CADPS2: variants seen among roughly 807,000 people sequenced by gnomAD.
CADPS2 encodes calcium dependent secretion activator 2.
In CADPS2, 93 loss-of-function variants were observed where a neutral mutation model predicts 172.5. That is an observed-to-expected ratio of 0.54 (90% CI 0.46 to 0.64). The LOEUF (loss-of-function observed/expected upper bound fraction) is 0.64, where lower values mean the gene tolerates loss of function less well. Ranked by LOEUF, CADPS2 falls within the 30% of genes least tolerant of loss-of-function variation. The pLI is 0.00. For missense variants in CADPS2, 1,420 were observed against 1,565.9 expected (o/e 0.91, Z 1.57); for synonymous variants, 546 against 555.2 (o/e 0.98, Z 0.23).
chr7:122,647,102 A>G (rs1417324337), intron 3 of CADPS2, among the ~76,000 whole-genome samples: 1 of 152,148 alleles, frequency 6.6e-6, no homozygotes, highest in Non-Finnish European at 1.5e-5. Flanking sequence ...TCAGTTTACC[A>G]TGGGTTTAAG....
intron 1 of CADPS2, among the ~76,000 whole-genome samples, chr7:122,863,390 TC>T (rs1293600735): frequency 1.3e-5 from 2 of 152,188 alleles, no homozygotes; most frequent in Non-Finnish European, 2.9e-5. Context: ...GAACAATTAT[TC>T]ATCATGCATT....
At chr7:122,450,488 TAAATGTTTG>T (rs1330540714) in intron 15 of CADPS2, among the ~76,000 whole-genome samples, 2 of 150,660 alleles carry the variant, frequency 1.3e-5, no homozygotes, top group Non-Finnish European at 3.0e-5. Flanking sequence ...TTTTACTCTG[TAAATGTTTG>T]AAATGTTTCT....
intron 19 of CADPS2, 31 bp downstream of exon 19, chr7:122,414,037 C>T (rs1172389523): frequency 1.7e-5 from 27 of 1,545,366 alleles, no homozygotes; most frequent in Non-Finnish European, 2.3e-5. Context: ...GTATCCTATG[C>T]TAATAAAATA....
chr7:122,703,752 G>A (rs1338733893), intron 2 of CADPS2, among the ~76,000 whole-genome samples: 1 of 152,078 alleles, frequency 6.6e-6, no homozygotes, highest in African/African-American at 2.4e-5. Flanking sequence ...AGAATAACAA[G>A]AGAATGAGCT....
intron 1 of CADPS2, among the ~76,000 whole-genome samples, chr7:122,821,485 C>T (rs1803271930): frequency 6.6e-6 from 1 of 152,156 alleles, no homozygotes; most frequent in South Asian, 2.1e-4. Flanking sequence ...TAGCTTTACT[C>T]AACATGCCCT....
intron 1 of CADPS2, among the ~76,000 whole-genome samples, chr7:122,768,511 G>A (rs914604855): frequency 3.9e-5 from 6 of 152,162 alleles, no homozygotes; most frequent in African/African-American, 1.4e-4. Flanking sequence ...ATGTTACCTT[G>A]CCTACTGATC....
At position 122,560,079 on chromosome 7, in the gene CADPS2, C is replaced by T. The variant is rs574315306; in HGVS notation, c.1336-5390G>A. ...ACCTGAGCAGGAAAAAGTTTAGTTG[C>T]GGCCAGATAGCAATGGTGTGAGGGA... is the stretch of plus-strand genomic sequence containing the variant. On this transcript the variant is annotated intron_variant, in intron 7 of 29. Transcript: ENST00000449022. Among the ~76,000 whole-genome samples the T allele has an allele frequency of 2.6e-5, 4 of 152,084 alleles. No homozygotes were observed. The South Asian group carries it at 6.2e-4, about 24-fold the overall frequency.
intron 1 of CADPS2, among the ~76,000 whole-genome samples, chr7:122,802,497 A>T (rs756564288): frequency 5.9e-5 from 9 of 152,176 alleles, no homozygotes; most frequent in African/African-American, 1.2e-4. Flanking sequence ...AGGCAAGCAC[A>T]TACAGGCCCA....
At chr7:122,803,076 T>G (rs1797994805) in intron 1 of CADPS2, among the ~76,000 whole-genome samples, 1 of 152,208 alleles carries the variant, frequency 6.6e-6, no homozygotes, top group South Asian at 2.1e-4. Flanking sequence ...TGCATAGGTA[T>G]GTGTTTTAAG....
chr7:122,574,590 T>C (rs139584925), intron 7 of CADPS2, among the ~76,000 whole-genome samples: 1,671 of 151,460 alleles, frequency 0.011, 17 homozygotes, highest in Middle Eastern at 0.021. Flanking sequence ...AAGTTGAGCC[T>C]CTAAAATTTC....
chr7:122,512,289 A>C (rs2060059580), intron 9 of CADPS2, among the ~76,000 whole-genome samples: 1 of 152,100 alleles, frequency 6.6e-6, no homozygotes, highest in African/African-American at 2.4e-5. Context: ...TTACTATGTC[A>C]TTCTGATCTA....
chr7:122,648,113 A>G (rs1163466167), intron 3 of CADPS2, among the ~76,000 whole-genome samples: 2 of 152,090 alleles, frequency 1.3e-5, no homozygotes, highest in Admixed American at 1.3e-4. Flanking sequence ...CAGGTGGCAT[A>G]GAGATTAGCT....
chr7:122,749,973 A>G (rs568871375), intron 1 of CADPS2, among the ~76,000 whole-genome samples: 4 of 152,070 alleles, frequency 2.6e-5, no homozygotes, highest in South Asian at 4.1e-4. Context: ...AAAAAAAAAA[A>G]AAAGAAAAAG....
chr7:122,580,555 C>T (rs1317311723), intron 7 of CADPS2, among the ~76,000 whole-genome samples: 1 of 151,918 alleles, frequency 6.6e-6, no homozygotes, highest in Admixed American at 6.6e-5. Context: ...TGAAGATGAC[C>T]TTTCACACAG....
At chr7:122,687,777 G>C (rs1484381758) in intron 2 of CADPS2, among the ~76,000 whole-genome samples, 3 of 152,126 alleles carry the variant, frequency 2.0e-5, no homozygotes, top group Non-Finnish European at 4.4e-5. Flanking sequence ...TACAAATTCA[G>C]GGAGCCAAAA....
At chr7:122,541,223 G>A (rs375710544) in intron 8 of CADPS2, among the ~76,000 whole-genome samples, 1 of 149,200 alleles carries the variant, frequency 6.7e-6, no homozygotes, top group Admixed American at 6.7e-5. Context: ...TTTTGAGACG[G>A]AGTCTCACTG....
chr7:122,332,828 A>G (rs1445656289), intron 28 of CADPS2, among the ~76,000 whole-genome samples: 1 of 152,210 alleles, frequency 6.6e-6, no homozygotes, highest in African/African-American at 2.4e-5. Flanking sequence ...GTCCTCAAAG[A>G]GATAAACTAC....
Position 122,451,477 on chromosome 7 carries a change from T to G in CADPS2, c.2187-2A>C, listed in dbSNP as rs2053098817. The G allele has an allele frequency of 6.5e-7, 1 of 1,532,962 alleles. No individual in the cohort carries two copies. Among genetic ancestry groups the G allele is most frequent in the Non-Finnish European group, 8.8e-7 (1 of 1,132,248 alleles). 95.0% of individuals were successfully genotyped at this position (1,532,962 alleles called of 1,614,324 possible). On this transcript the variant is annotated splice_acceptor_variant, in intron 14 of 29. Transcript: ENST00000449022. LOFTEE classifies it high-confidence loss of function. ...GAAACAGTCCCAATTCCATCAGGCC[T>G]GAAAAAAAAATCAGAATCAATAATT... is the stretch of plus-strand genomic sequence containing the variant.
At chr7:122,372,334 A>C (rs1180138173) in intron 25 of CADPS2, among the ~76,000 whole-genome samples, 1 of 152,230 alleles carries the variant, frequency 6.6e-6, no homozygotes, top group Non-Finnish European at 1.5e-5. Context: ...TAGAGGACCA[A>C]TGATGGTGGC....
Sources: allele counts gnomAD v4.1 joint callset (sites outside exome capture counted in the v4.1 genomes callset), GRCh38; gene constraint gnomAD v4.1.1; transcripts MANE v1.5; gene names NCBI Gene and HGNC (gene_info 2026-07-23, HGNC 2026-07-21).